Variants in WWOX observed in about 807,000 individuals in gnomAD.
WWOX encodes WW domain containing oxidoreductase, also known as WW domain-containing oxidoreductase.
In WWOX, 69 loss-of-function variants were observed where a neutral mutation model predicts 46.2. That is an observed-to-expected ratio of 1.49 (90% CI 1.23 to 1.82). The LOEUF (loss-of-function observed/expected upper bound fraction) is 1.82, where lower values mean the gene tolerates loss of function less well. Among genes scored for constraint, WWOX ranks in the 40% most tolerant of loss-of-function variants. WWOX has a pLI of 0.00. For missense variants in WWOX, 919 were observed against 542.6 expected (o/e 1.69, Z -6.89); for synonymous variants, 359 against 202.6 (o/e 1.77, Z -6.56).
intron 6 of WWOX, among the ~76,000 whole-genome samples, chr16:78,407,854 C>T (rs1218722474): frequency 6.6e-6 from 1 of 152,234 alleles, no homozygotes; most frequent in Non-Finnish European, 1.5e-5. Context: ...CAAACACGCA[C>T]TTCCTATGGA....
At chr16:78,715,979 A>G (rs1293590760) in intron 8 of WWOX, among the ~76,000 whole-genome samples, 1 of 152,100 alleles carries the variant, frequency 6.6e-6, no homozygotes, top group East Asian at 1.9e-4. Flanking sequence ...CAGAGGTATT[A>G]CAGAGGTTTG....
At chr16:78,313,029 C>A (rs548221129) in intron 5 of WWOX, among the ~76,000 whole-genome samples, 1 of 152,160 alleles carries the variant, frequency 6.6e-6, no homozygotes, top group Non-Finnish European at 1.5e-5. Flanking sequence ...AGATTTGTGT[C>A]CTACTAACAC....
At chr16:78,948,829 A>G (rs1374083997) in intron 8 of WWOX, among the ~76,000 whole-genome samples, 1 of 152,110 alleles carries the variant, frequency 6.6e-6, no homozygotes, top group East Asian at 1.9e-4. Flanking sequence ...TTAGAATAGG[A>G]AGGTTATCCT....
At chr16:78,121,722 C>T (rs748848132) in intron 4 of WWOX, among the ~76,000 whole-genome samples, 26 of 151,188 alleles carry the variant, frequency 1.7e-4, no homozygotes, top group Admixed American at 1.3e-3. Flanking sequence ...AGTACAGTGG[C>T]GTGATCTCAG....
At chr16:78,575,956 G>A (rs1320109914) in intron 8 of WWOX, among the ~76,000 whole-genome samples, 1 of 151,220 alleles carries the variant, frequency 6.6e-6, no homozygotes, top group Non-Finnish European at 1.5e-5. Flanking sequence ...ACCCTGTGGA[G>A]TAAAATGCAA....
chr16:78,476,345 C>G (rs1466898168), intron 8 of WWOX, among the ~76,000 whole-genome samples: 1 of 151,440 alleles, frequency 6.6e-6, no homozygotes, highest in Middle Eastern at 3.4e-3. Flanking sequence ...TCTCAGCAAA[C>G]TGTTGCAAGG....
chr16:78,572,329 C>T (rs939609055), intron 8 of WWOX, among the ~76,000 whole-genome samples: 1 of 152,072 alleles, frequency 6.6e-6, no homozygotes, highest in Non-Finnish European at 1.5e-5. Flanking sequence ...GCACAGTGGC[C>T]CACACCTGTA....
chr16:79,190,187 G>A (rs1474619798), intron 8 of WWOX, among the ~76,000 whole-genome samples: 4 of 152,018 alleles, frequency 2.6e-5, no homozygotes, highest in Admixed American at 2.0e-4. Context: ...ACCACGCCTG[G>A]CTAACTTTTG....
chr16:78,925,096 G>A lies in WWOX; in HGVS notation c.1057-286512G>A, dbSNP rs553354041. Among the ~76,000 whole-genome samples the A allele has an allele frequency of 6.6e-5, 10 of 152,318 alleles. No homozygotes were observed. In the East Asian group the frequency reaches 1.7e-3, roughly 26 times the overall value. Reference sequence around the variant, plus strand: ...TGTAGTCCCAGTTACTGGGGAGGCTGAGATGGGATGATTGGTTGAGCCTGG... The same window carrying A: ...TGTAGTCCCAGTTACTGGGGAGGCTAAGATGGGATGATTGGTTGAGCCTGG... On this transcript the variant is annotated intron_variant, in intron 8 of 8. Transcript: ENST00000566780.
intron 8 of WWOX, among the ~76,000 whole-genome samples, chr16:78,458,400 A>G (rs2083876360): frequency 6.6e-6 from 1 of 151,730 alleles, no homozygotes; most frequent in Non-Finnish European, 1.5e-5. Context: ...AGCTGGGACT[A>G]TTGGCAATGC....
chr16:78,390,287 C>T (rs951712362), intron 6 of WWOX, among the ~76,000 whole-genome samples: 1 of 152,234 alleles, frequency 6.6e-6, no homozygotes, highest in African/African-American at 2.4e-5. Context: ...ATAGGATCAT[C>T]TTCCACGTCT....
chr16:78,782,197 G>T (rs930997675), intron 8 of WWOX, among the ~76,000 whole-genome samples: 2 of 151,966 alleles, frequency 1.3e-5, no homozygotes, highest in African/African-American at 4.8e-5. Context: ...TCCTCTTCAG[G>T]CCACCTATCC....
At chr16:78,586,703 C>T (rs754187451) in intron 8 of WWOX, among the ~76,000 whole-genome samples, 3 of 152,198 alleles carry the variant, frequency 2.0e-5, no homozygotes, top group East Asian at 1.9e-4. Context: ...CACATAATCT[C>T]ATTTCATCTT....
At chr16:78,491,272 C>G (rs2738712) in intron 8 of WWOX, among the ~76,000 whole-genome samples, 114,217 of 152,140 alleles carry the variant, frequency 0.75, 44,948 homozygotes, top group Admixed American at 0.87. Context: ...GCTTTTGTAT[C>G]GTGACTGTCT....
chr16:78,658,645 C>T (rs150826486), intron 8 of WWOX, among the ~76,000 whole-genome samples: 26 of 152,256 alleles, frequency 1.7e-4, no homozygotes, highest in South Asian at 4.1e-4. Flanking sequence ...CCCCAGTCTC[C>T]GCCTCCGCCT....
chr16:78,119,831 C>A (rs2033000140), intron 4 of WWOX, among the ~76,000 whole-genome samples: 1 of 152,106 alleles, frequency 6.6e-6, no homozygotes, highest in South Asian at 2.1e-4. Flanking sequence ...GATGATAAAA[C>A]TTCTTAACTT....
chr16:78,955,255 AGATG>A (rs2046141675), intron 8 of WWOX, among the ~76,000 whole-genome samples: 1 of 152,186 alleles, frequency 6.6e-6, no homozygotes, highest in Non-Finnish European at 1.5e-5. Flanking sequence ...GCATCTTCAC[AGATG>A]GACCTCCACA....
intron 8 of WWOX, among the ~76,000 whole-genome samples, chr16:78,434,708 C>G (rs1389558510): frequency 6.6e-6 from 1 of 152,134 alleles, no homozygotes; most frequent in African/African-American, 2.4e-5. Flanking sequence ...CATAAGGTCC[C>G]TAATCAGAGG....
intron 8 of WWOX, among the ~76,000 whole-genome samples, chr16:79,060,650 C>T (rs1015916287): frequency 1.3e-5 from 2 of 152,202 alleles, no homozygotes; most frequent in Non-Finnish European, 2.9e-5. Flanking sequence ...ATTTTCTAGT[C>T]TCATTTTGTA....
Sources: allele counts gnomAD v4.1 joint callset (sites outside exome capture counted in the v4.1 genomes callset), GRCh38; gene constraint gnomAD v4.1.1; transcripts MANE v1.5; gene names NCBI Gene and HGNC (gene_info 2026-07-23, HGNC 2026-07-21).